The following CEP55 variants were observed in gnomAD, a reference collection of about 807,000 sequenced individuals.
The protein encoded by CEP55 is centrosomal protein 55.
Under a neutral mutation model 63.2 loss-of-function variants are expected in CEP55, and 57 were observed. The observed-to-expected ratio is 0.90, with a 90% CI of 0.73 to 1.13. The LOEUF (loss-of-function observed/expected upper bound fraction) is 1.13, where lower values mean the gene tolerates loss of function less well. Among genes scored for constraint, CEP55 ranks in the 50% most tolerant of loss-of-function variants. The probability of loss-of-function intolerance (pLI) is 0.00; values close to 1 mark genes in which losing one functional copy is unlikely to be tolerated. For missense variants in CEP55, 456 were observed against 518.9 expected (o/e 0.88, Z 1.18); for synonymous variants, 178 against 191.6 (o/e 0.93, Z 0.59).
At chr10:93,511,639 G>A (rs962686793) in intron 4 of CEP55, among the ~76,000 whole-genome samples, 12 of 151,394 alleles carry the variant, frequency 7.9e-5, no homozygotes, top group East Asian at 2.0e-4. Context: ...GTTTCGCTCC[G>A]TTGCCCAGGC....
intron 1 of CEP55, among the ~76,000 whole-genome samples, chr10:93,499,191 A>G (rs1321691175): frequency 1.3e-5 from 2 of 152,130 alleles, no homozygotes; most frequent in Non-Finnish European, 2.9e-5. Flanking sequence ...CTTTTCCAGT[A>G]AATGTCTTAT....
In CEP55 at chr10:93,503,322, G is replaced by C. The variant is rs1439376767; in HGVS notation, c.393G>C (p.Gln131His). 11 of 1,614,204 alleles carry C rather than the reference G, an allele frequency of 6.8e-6. No homozygotes were observed. Among genetic ancestry groups the C allele is most frequent in the Non-Finnish European group, 9.3e-6 (11 of 1,180,026 alleles). ...AAGAGAAAGACGTATTGAAACAACA[G>C]TTGTCTGCTGCAACCTCACGAATTG... ...LSEEKDVLKQQLSAATSRIAE... is the reference protein window; with the variant it reads ...LSEEKDVLKQHLSAATSRIAE... Residue 131 changes from glutamine (Q) to histidine (H), a missense_variant, in exon 3 of 9, where the codon CAG becomes CAC. Coordinates refer to ENST00000371485, the MANE Select transcript of CEP55 (RefSeq NM_018131.5).
chr10:93,521,794 C>T (rs181716684), intron 8 of CEP55, among the ~76,000 whole-genome samples: 2,859 of 152,298 alleles, frequency 0.019, 51 homozygotes, highest in Non-Finnish European at 0.029. Context: ...CACCAATATT[C>T]GCTGTTCTGC....
chr10:93,519,148 G>A, intron 7 of CEP55, 200 bp downstream of exon 7: 1 of 515,434 alleles, frequency 1.9e-6, no homozygotes, highest in Non-Finnish European at 3.5e-6. Flanking sequence ...GCTGACCTTA[G>A]GCTAAACAGA....
At position 93,528,342 on chromosome 10, in the gene CEP55, C is replaced by T; in HGVS notation, c.*189C>T. On this transcript the variant is annotated 3_prime_UTR_variant, in exon 9 of 9. Coordinates refer to ENST00000371485, the MANE Select transcript of CEP55 (RefSeq NM_018131.5). ...TCTCTTGGCAGTGATACCTCCCTGA[C>T]ATGGTTCATCATCAGGCTGCAATGA... The T allele has an allele frequency of 1.7e-6, 1 of 594,318 alleles. No individual in the cohort carries two copies. Among genetic ancestry groups the T allele is most frequent in the Non-Finnish European group, 3.0e-6 (1 of 334,274 alleles). The allele number at this position is 594,318 out of a possible 1,614,324, so 36.8% of individuals were successfully genotyped here.
At position 93,496,660 on chromosome 10, in the gene CEP55, C is replaced by T. The variant is rs2057571440; in HGVS notation, c.-276C>T. ...ACCTGATGGTGTGACTCGGCCGACG[C>T]GAGCGCCGCGCTTCGCTTCAGCTGC... On this transcript the variant is annotated 5_prime_UTR_variant, in exon 1 of 9. Coordinates refer to ENST00000371485, the MANE Select transcript of CEP55 (RefSeq NM_018131.5). 6.6e-6 allele frequency: 1 copy of T among 152,240 alleles called. No individual in the cohort carries two copies. The highest frequency in any genetic ancestry group is 2.1e-4 in the South Asian group (1 of 4,836). The allele number at this position is 152,240 out of a possible 1,614,324, so 9.4% of individuals were successfully genotyped here. A position where few individuals can be genotyped will look rare whatever the true frequency, so the allele number is the denominator to read the frequency against.
intron 2 of CEP55, 136 bp from the exon 3 acceptor site, chr10:93,502,977 A>T (rs1030488300): frequency 1.2e-6 from 1 of 800,234 alleles, no homozygotes; most frequent in Admixed American, 2.9e-5. Context: ...TTGGCTTCCT[A>T]ATCTTTTTTG....
rs111545427 is a variant in CEP55 at position 93,503,372 on chromosome 10, C to T, written c.443C>T (p.Thr148Ile). 11 of 1,613,658 alleles carry T rather than the reference C, an allele frequency of 6.8e-6. No homozygotes were observed. The highest frequency in any genetic ancestry group is 5.5e-5 in the South Asian group (5 of 91,046). ...RIAELESKTN[T>I]LRLSQTVAPN... is the part of the protein sequence containing the mutation. The stretch of plus-strand genomic sequence containing the variant: ...GCTGAACTTGAAAGCAAAACCAATA[C>T]ACTCCGTTTATCACAGGTGCTAATC... The change falls in exon 3 of 9, where the codon ACA (threonine) becomes ATA (isoleucine). Residue 148 changes from threonine (T) to isoleucine (I), a missense_variant. Transcript: ENST00000371485.
At position 93,508,511 on chromosome 10, in the gene CEP55, T is replaced by C. The variant is rs534381688; in HGVS notation, c.528+1455T>C. Among the ~76,000 whole-genome samples, 4 of 152,394 alleles carry C rather than the reference T, an allele frequency of 2.6e-5. No homozygotes were observed. The South Asian group carries it at 8.3e-4, about 32-fold the overall frequency. ...TAACTGGAATGAAAAGGAAAAGTTC[T>C]ATGTCTTATTACACTGAAGTTTGTT... On this transcript the variant is annotated intron_variant, in intron 4 of 8. Transcript: ENST00000371485.
chr10:93,504,957 A>T (rs1021932292), intron 3 of CEP55, among the ~76,000 whole-genome samples: 7 of 152,044 alleles, frequency 4.6e-5, no homozygotes, highest in Admixed American at 4.6e-4. Context: ...GATTACAGGC[A>T]CCTGCCACGA....
chr10:93,511,442 A>G (rs2057747575), intron 4 of CEP55, among the ~76,000 whole-genome samples: 1 of 152,184 alleles, frequency 6.6e-6, no homozygotes, highest in Admixed American at 6.6e-5. Context: ...TGATACTGAT[A>G]GAAAGCCGAT....
At chr10:93,512,936 C>CAATT (rs1284076222) in intron 4 of CEP55, among the ~76,000 whole-genome samples, 2 of 152,028 alleles carry the variant, frequency 1.3e-5, no homozygotes, top group Non-Finnish European at 2.9e-5. Flanking sequence ...ATTTTTATTA[C>CAATT]GAAAAATGTC....
Position 93,516,920 on chromosome 10 carries a change from T to A in CEP55, c.680-15T>A. On this transcript the variant is annotated splice_polypyrimidine_tract_variant and intron_variant, in intron 5 of 8. Transcript: ENST00000371485. Reference sequence around the variant, plus strand: ...TTTTATAAAGTGAGTTGTGCCGTAATGTTGTTTGTCATAGGTTATCTTCAA... The same window carrying A: ...TTTTATAAAGTGAGTTGTGCCGTAAAGTTGTTTGTCATAGGTTATCTTCAA... 2 of 1,532,464 alleles carry A rather than the reference T, an allele frequency of 1.3e-6. No homozygotes were observed. Among genetic ancestry groups the A allele is most frequent in the Admixed American group, 2.1e-5 (1 of 48,228 alleles). 94.9% of individuals were successfully genotyped at this position (1,532,464 alleles called of 1,614,324 possible).
chr10:93,506,870 A>C lies in CEP55; in HGVS notation c.460-118A>C, dbSNP rs2057694292. On this transcript the variant is annotated intron_variant, in intron 3 of 8. Transcript: ENST00000371485. ...ATTATAGGCGTGAGCCACCGTGCCC[A>C]GCCTAGATCTGGATTTCGGGATGCC... 9.2e-6 allele frequency: 7 copies of C among 761,792 alleles called. 1 individual carries two copies. In the Admixed American group the frequency reaches 1.3e-4, roughly 14 times the overall value. 47.2% of individuals were successfully genotyped at this position (761,792 alleles called of 1,614,324 possible).
chr10:93,517,438 G>A (rs1470321095), intron 6 of CEP55, among the ~76,000 whole-genome samples, 190 bp downstream of exon 6: 1 of 152,238 alleles, frequency 6.6e-6, no homozygotes, highest in Non-Finnish European at 1.5e-5. Flanking sequence ...AGGGTGACAT[G>A]ACAAAGGGAA....
At chr10:93,502,536 T>C (rs928338688) in intron 2 of CEP55, among the ~76,000 whole-genome samples, 2 of 152,248 alleles carry the variant, frequency 1.3e-5, no homozygotes, top group African/African-American at 4.8e-5. Flanking sequence ...CCAGCAGCAG[T>C]TTAAAAAACA....
Position 93,527,931 on chromosome 10 carries a change from T to A in CEP55, c.1192-19T>A, listed in dbSNP as rs536706776. ...TTGGCCCTATTTACAAATTCTATTA[T>A]TTGAAACTTATTTTTCAGAAACAGC... On this transcript the variant is annotated intron_variant, in intron 8 of 8. Transcript: ENST00000371485. 6.2e-7 allele frequency: 1 copy of A among 1,603,722 alleles called. No homozygotes were observed. Among genetic ancestry groups the A allele is most frequent in the East Asian group, 2.2e-5 (1 of 44,818 alleles).
chr10:93,521,427 T>C (rs1589658370), intron 8 of CEP55, among the ~76,000 whole-genome samples: 1 of 151,844 alleles, frequency 6.6e-6, no homozygotes, highest in Non-Finnish European at 1.5e-5. Flanking sequence ...GAGGCTCGAG[T>C]AAGTAAACAA....
chr10:93,528,113 A>G lies in CEP55; in HGVS notation c.1355A>G (p.His452Arg), dbSNP rs1395565195. ...AATATACAGTATCCAGCCACTGAGCATCGCGATCTGCTTGTCCATGTGGAA... is the reference window on the plus strand; with the variant it reads ...AATATACAGTATCCAGCCACTGAGCGTCGCGATCTGCTTGTCCATGTGGAA... ...KCNIQYPATE[H>R]RDLLVHVEYC... The change falls in exon 9 of 9, where the codon CAT becomes CGT. Residue 452 changes from histidine to arginine, a missense_variant. By Grantham distance (29) the His-to-Arg change is conservative. Transcript: ENST00000371485. 3.1e-6 allele frequency: 5 copies of G among 1,614,134 alleles called. No individual in the cohort carries two copies. The East Asian group carries it at 6.7e-5, about 22-fold the overall frequency.
Sources: gnomAD v4.1 joint callset for allele counts (sites outside exome capture counted in the v4.1 genomes callset) on GRCh38, gnomAD v4.1.1 for gene constraint, MANE v1.5 for transcripts, NCBI Gene and HGNC (gene_info 2026-07-23, HGNC 2026-07-21) for gene names.